Variants in IDH2 observed in about 807,000 individuals in gnomAD.
IDH2 encodes the protein isocitrate dehydrogenase (NADP(+)) 2, also known as isocitrate dehydrogenase [NADP], mitochondrial.
In IDH2, 18 loss-of-function variants were observed where a neutral mutation model predicts 50.5. That is an observed-to-expected ratio of 0.36 (90% CI 0.25 to 0.53). The LOEUF (loss-of-function observed/expected upper bound fraction) is 0.53, where lower values mean the gene tolerates loss of function less well. Among genes scored for constraint, IDH2 ranks in the 20% least tolerant of loss-of-function variants. The probability of loss-of-function intolerance (pLI) is 0.92; values close to 1 mark genes in which losing one functional copy is unlikely to be tolerated. For missense variants in IDH2, 518 were observed against 610.7 expected (o/e 0.85, Z 1.60); for synonymous variants, 280 against 239.8 (o/e 1.17, Z -1.55).
At position 90,102,393 on chromosome 15, in the gene IDH2, CA is replaced by C; in HGVS notation, c.-4del. Reference sequence around the variant, plus strand: ...ACGACCCGCAGGTAGCCGGCCATCCCAAGCTGGAGAGCGAACGAGCAGGGCG... The same window carrying C: ...ACGACCCGCAGGTAGCCGGCCATCCCAGCTGGAGAGCGAACGAGCAGGGCG... On this transcript the variant is annotated 5_prime_UTR_variant, in exon 1 of 11. Transcript: ENST00000330062. The C allele has an allele frequency of 7.5e-7, 1 of 1,336,888 alleles. No homozygotes were observed. The highest frequency in any genetic ancestry group is 1.8e-5 in the South Asian group (1 of 56,672). 82.8% of individuals were successfully genotyped at this position (1,336,888 alleles called of 1,614,324 possible).
chr15:90,087,695 G>GT, intron 5 of IDH2, 120 bp from the exon 6 acceptor site: 2 of 1,067,266 alleles, frequency 1.9e-6, no homozygotes. Context: ...CCACGCGACT[G>GT]TTTAACACCA....
At chr15:90,091,812 C>T (rs1901046576) in intron 1 of IDH2, among the ~76,000 whole-genome samples, 168 bp from the exon 2 acceptor site, 1 of 152,228 alleles carries the variant, frequency 6.6e-6, no homozygotes, top group African/African-American at 2.4e-5. Flanking sequence ...CTGCTTAGAG[C>T]AGGGGTCCCC....
rs986869148 is a variant in IDH2, at chr15:90,100,233, A to C, written c.115+2043T>G. Among the ~76,000 whole-genome samples, 6 of 152,234 alleles carry C rather than the reference A, an allele frequency of 3.9e-5. No homozygotes were observed. The highest frequency in any genetic ancestry group is 1.4e-4 in the African/African-American group (6 of 41,450). On this transcript the variant is annotated intron_variant, in intron 1 of 10. Coordinates refer to ENST00000330062, the MANE Select transcript of IDH2 (RefSeq NM_002168.4). The surrounding 1 kb of genome is among the most constrained non-coding windows in gnomAD (Gnocchi z 4.1). ...GTTTACAGAGTATAAACCCCAGGGA[A>C]GGCCACAGACCCTGGCTTCCAGTAA...
At chr15:90,091,513 G>A in intron 2 of IDH2, 40 bp downstream of exon 2, 1 of 1,508,976 alleles carries the variant, frequency 6.6e-7, no homozygotes, top group Non-Finnish European at 9.2e-7. Context: ...TCCCTGGCCA[G>A]CCCACCTGGA....
At position 90,084,700 on chromosome 15, in the gene IDH2, T is replaced by A. The variant is rs956754645; in HGVS notation, c.1271+116A>T. The A allele has an allele frequency of 1.2e-6, 1 of 862,726 alleles. No homozygotes were observed. Among genetic ancestry groups the A allele is most frequent in the Non-Finnish European group, 2.0e-6 (1 of 511,158 alleles). 53.4% of individuals were successfully genotyped at this position (862,726 alleles called of 1,614,324 possible). On this transcript the variant is annotated intron_variant, in intron 10 of 10. Coordinates refer to ENST00000330062, the MANE Select transcript of IDH2 (RefSeq NM_002168.4). This position sits in a 1 kb window ranked among gnomAD's most constrained non-coding sequence, Gnocchi z 5.0. ...GAGCAGTCTCTCAGGGCTGTGGACA[T>A]GTCCTGCCCCAGGCCCCCTTGCAGC...
At chr15:90,090,718 G>C in intron 2 of IDH2, 74 bp from the exon 3 acceptor site, 1 of 1,487,020 alleles carries the variant, frequency 6.7e-7, no homozygotes, top group Non-Finnish European at 9.4e-7. Context: ...AGGATAAGAA[G>C]TCTGCAGGCC....
intron 7 of IDH2, among the ~76,000 whole-genome samples, chr15:90,086,619 C>T (rs1900865880): frequency 6.6e-6 from 1 of 152,042 alleles, no homozygotes; most frequent in Non-Finnish European, 1.5e-5. Flanking sequence ...ATGTTGGCCA[C>T]GCTGGTCTCA....
chr15:90,096,477 GCTA>G (rs1461054652), intron 1 of IDH2, among the ~76,000 whole-genome samples: 1 of 151,978 alleles, frequency 6.6e-6, no homozygotes, highest in Non-Finnish European at 1.5e-5. Flanking sequence ...CACTAAGAGA[GCTA>G]CTATCAGGAA....
rs762573789 is a variant in IDH2 at position 90,087,583 on chromosome 15, G to A, written c.679-8C>T. The A allele has an allele frequency of 1.9e-6, 3 of 1,612,808 alleles. No individual in the cohort carries two copies. Among genetic ancestry groups the A allele is most frequent in the South Asian group, 2.2e-5 (2 of 91,022 alleles). On this transcript the variant is annotated splice_region_variant and splice_polypyrimidine_tract_variant and intron_variant, in intron 5 of 10. Transcript: ENST00000330062. The stretch of plus-strand genomic sequence containing the variant: ...CGCAAAACCTGAGATGGACTGCAGG[G>A]GGAGAGACAGGGCCCTGGCGTGGTG...
intron 5 of IDH2, among the ~76,000 whole-genome samples, chr15:90,087,801 ACCG>A (rs1900906318): frequency 9.3e-6 from 1 of 107,402 alleles, no homozygotes; most frequent in African/African-American, 3.7e-5. Context: ...TTTGGAAAAC[ACCG>A]CCTTTTTTTT....
chr15:90,087,674 T>TA, intron 5 of IDH2, 99 bp from the exon 6 acceptor site: 1 of 1,404,182 alleles, frequency 7.1e-7, no homozygotes, highest in Non-Finnish European at 1.0e-6. Context: ...CCAGGAACGG[T>TA]ACCCCGCCGC....
intron 6 of IDH2, 80 bp downstream of exon 6, chr15:90,087,359 T>C (rs1019390721): frequency 2.5e-6 from 4 of 1,612,592 alleles, no homozygotes; most frequent in South Asian, 2.2e-5. Flanking sequence ...TGCACTCTAA[T>C]AGCGACCTTC....
chr15:90,088,881 A>C (rs1900951559), intron 3 of IDH2, 134 bp from the exon 4 acceptor site: 4 of 856,498 alleles, frequency 4.7e-6, no homozygotes, highest in Non-Finnish European at 7.6e-6. Context: ...CTAGAGTGCA[A>C]ATGTGTGGGC....
chr15:90,100,415 C>G lies in IDH2; in HGVS notation c.115+1861G>C, dbSNP rs1040545081. Among the ~76,000 whole-genome samples, 49 of 152,272 alleles carry G rather than the reference C, an allele frequency of 3.2e-4. No individual in the cohort carries two copies. The highest frequency in any genetic ancestry group is 1.1e-3 in the African/African-American group (47 of 41,560). On this transcript the variant is annotated intron_variant, in intron 1 of 10. Transcript: ENST00000330062. This position sits in a 1 kb window ranked among gnomAD's most constrained non-coding sequence, Gnocchi z 4.1. ...ACACAACCACCCCAATCAGCTCTGG[C>G]AGGGCAGCTAGGGCCTTATCTGACG...
In IDH2 at chr15:90,096,405, A is replaced by G. The variant is rs1359719547; in HGVS notation, c.116-4761T>C. On this transcript the variant is annotated intron_variant, in intron 1 of 10. Coordinates refer to ENST00000330062, the MANE Select transcript of IDH2 (RefSeq NM_002168.4). The stretch of plus-strand genomic sequence containing the variant: ...ACATGAAAAGATGCTCAACATCACT[A>G]ATCATCAGGGAAATGCAAATCAAAA... Among the ~76,000 whole-genome samples the G allele has an allele frequency of 4.6e-5, 7 of 152,318 alleles. No individual in the cohort carries two copies. The East Asian group carries it at 1.3e-3, about 29-fold the overall frequency.
rs375299672 is a variant in IDH2 at position 90,090,762 on chromosome 15, G to C, written c.208-118C>G. 17 of 1,050,292 alleles carry C rather than the reference G, an allele frequency of 1.6e-5. No individual in the cohort carries two copies. In the African/African-American group the frequency reaches 2.5e-4, roughly 15 times the overall value. 65.1% of individuals were successfully genotyped at this position (1,050,292 alleles called of 1,614,324 possible). ...GGACAGTCAGTCAAAACAGGGATGAGTGAAGGCCAGTGGAGGGGCGCAGCA... is the reference window on the plus strand; with the variant it reads ...GGACAGTCAGTCAAAACAGGGATGACTGAAGGCCAGTGGAGGGGCGCAGCA... On this transcript the variant is annotated intron_variant, in intron 2 of 10. Coordinates refer to ENST00000330062, the MANE Select transcript of IDH2 (RefSeq NM_002168.4).
chr15:90,094,899 C>T (rs1901139692), intron 1 of IDH2, among the ~76,000 whole-genome samples: 1 of 69,524 alleles, frequency 1.4e-5, no homozygotes, highest in African/African-American at 4.4e-5. Context: ...GAGACTCCAT[C>T]TCAAAAAAAC....
chr15:90,087,981 T>C (rs568601480), intron 5 of IDH2, among the ~76,000 whole-genome samples: 84 of 152,208 alleles, frequency 5.5e-4, no homozygotes, highest in Non-Finnish European at 1.1e-3. Context: ...GAGGTGGTCA[T>C]GTGACTCAGC....
intron 2 of IDH2, 27 bp from the exon 3 acceptor site, chr15:90,090,671 G>A (rs747320647): frequency 2.5e-5 from 41 of 1,613,012 alleles, no homozygotes; most frequent in South Asian, 1.8e-4. Context: ...AGAGCAAGGC[G>A]TCACCCCAGT....
Sources: allele counts gnomAD v4.1 joint callset (sites outside exome capture counted in the v4.1 genomes callset), GRCh38; gene constraint gnomAD v4.1.1; non-coding constraint Gnocchi (gnomAD v3.1); transcripts MANE v1.5; gene names NCBI Gene and HGNC (gene_info 2026-07-23, HGNC 2026-07-21).